MAGED1: variants seen among roughly 807,000 people sequenced by gnomAD.
The protein encoded by MAGED1 is MAGE family member D1.
MAGED1 carries 3 observed loss-of-function variants against 54.1 expected under a neutral mutation model. That is an observed-to-expected ratio of 0.06 (90% CI 0.03 to 0.14). The LOEUF (loss-of-function observed/expected upper bound fraction) is 0.14. MAGED1 is among the 10% of genes least tolerant of loss of function. The pLI is 1.00. For missense variants in MAGED1, 485 were observed against 623.4 expected, an observed-to-expected ratio of 0.78 and a Z score of 2.36; for synonymous variants, 217 against 227.3, an observed-to-expected ratio of 0.95 and a Z score of 0.41.
At chrX:51,812,858 CT>C (rs1177492969) in intron 1 of MAGED1, among the ~76,000 whole-genome samples, 9 of 109,971 alleles carry the variant, frequency 8.2e-5, no homozygotes, top group African/African-American at 3.0e-4. Context: ...GGCTCTACCA[CT>C]TAAATTCCCA....
chrX:51,892,564 A>G (rs782759220), upstream of MAGED1, among the ~76,000 whole-genome samples: 1 of 111,988 alleles, frequency 8.9e-6, no homozygotes, highest in Non-Finnish European at 1.9e-5. Flanking sequence ...GTGGACCCCA[A>G]GGAGCAATTC....
chrX:51,884,618 A>G lies in MAGED1; in HGVS notation c.-36-9651A>G, dbSNP rs904581599. 5.4e-5 allele frequency among the ~76,000 whole-genome samples: 6 copies of G among 112,072 alleles called. No homozygotes were observed. In the Admixed American group the frequency reaches 5.7e-4, roughly 11 times the overall value. ...CTCATCCAGAAAATAAGAGGAAACA[A>G]CTTCCATTAATTCTATGAAGTCAGT... On this transcript the variant is annotated intron_variant, in intron 1 of 12. Transcript: ENST00000375772.
intron 10 of MAGED1, 36 bp downstream of exon 10, chrX:51,898,679 T>C: frequency 8.8e-7 from 1 of 1,138,998 alleles, no homozygotes; most frequent in Non-Finnish European, 1.2e-6. Context: ...CTGCTTCTTA[T>C]GATTCTGCCT....
At chrX:51,809,146 G>A (rs955737038) in intron 1 of MAGED1, among the ~76,000 whole-genome samples, 2 of 109,785 alleles carry the variant, frequency 1.8e-5, no homozygotes, top group Admixed American at 9.7e-5. Context: ...ACGGAGTCTC[G>A]CTCTGTCGCC....
chrX:51,867,116 T>C (rs782205432), intron 1 of MAGED1, among the ~76,000 whole-genome samples: 1 of 111,800 alleles, frequency 8.9e-6, no homozygotes, highest in South Asian at 3.8e-4. Flanking sequence ...GGCTTTAATG[T>C]GGACTTCCTA....
intron 1 of MAGED1, among the ~76,000 whole-genome samples, chrX:51,812,926 CTT>C (rs782006688): frequency 9.8e-5 from 9 of 92,161 alleles, no homozygotes; most frequent in Middle Eastern, 5.6e-3. Flanking sequence ...TGTTGTTTTC[CTT>C]TTTTTTTTTT....
intron 1 of MAGED1, among the ~76,000 whole-genome samples, chrX:51,808,688 G>A (rs782694484): frequency 7.3e-5 from 8 of 109,699 alleles, no homozygotes; most frequent in Non-Finnish European, 1.1e-4. Context: ...CAGCCTGGGC[G>A]ACAGAGTGAG....
chrX:51,878,045 G>C (rs1234964548), intron 1 of MAGED1, among the ~76,000 whole-genome samples: 1 of 111,589 alleles, frequency 9.0e-6, no homozygotes, highest in Non-Finnish European at 1.9e-5. Context: ...AGGTGTCTGA[G>C]AGCATTCAGA....
chrX:51,872,232 T>A (rs1557361646), intron 1 of MAGED1, among the ~76,000 whole-genome samples: 1 of 112,208 alleles, frequency 8.9e-6, no homozygotes, highest in Non-Finnish European at 1.9e-5. Flanking sequence ...AGGTTGCCTG[T>A]TCACTCTGGT....
chrX:51,884,247 C>T (rs1018821211), intron 1 of MAGED1, among the ~76,000 whole-genome samples: 28 of 110,826 alleles, frequency 2.5e-4, no homozygotes, highest in African/African-American at 9.2e-4. Flanking sequence ...AACAAAAAAT[C>T]TTGAAACCCA....
At chrX:51,839,676 T>C (rs1926382945) in intron 1 of MAGED1, among the ~76,000 whole-genome samples, 1 of 112,257 alleles carries the variant, frequency 8.9e-6, no homozygotes, top group African/African-American at 3.2e-5. Flanking sequence ...AAATGAGTCT[T>C]CATGCCTATA....
At chrX:51,866,373 C>T (rs782409035) in intron 1 of MAGED1, among the ~76,000 whole-genome samples, 26 of 111,733 alleles carry the variant, frequency 2.3e-4, no homozygotes, top group Non-Finnish European at 3.8e-4. Context: ...ACTATGGAAA[C>T]GAGGTCACAT....
At chrX:51,885,975 A>G (rs1928220349) in intron 1 of MAGED1, among the ~76,000 whole-genome samples, 1 of 110,296 alleles carries the variant, frequency 9.1e-6, no homozygotes, top group South Asian at 3.9e-4. Flanking sequence ...CATTTGCAGC[A>G]ACATGGATGG....
intron 1 of MAGED1, among the ~76,000 whole-genome samples, chrX:51,845,097 T>A (rs1926635011): frequency 9.0e-6 from 1 of 110,653 alleles, no homozygotes; most frequent in Non-Finnish European, 1.9e-5. Context: ...TTGGGCATGG[T>A]GGTGCGTGCC....
intron 1 of MAGED1, among the ~76,000 whole-genome samples, chrX:51,822,601 A>G (rs1279942575): frequency 9.1e-6 from 1 of 110,497 alleles, no homozygotes; most frequent in African/African-American, 3.3e-5. Context: ...ATAGTTAATT[A>G]AGATGAAAAG....
intron 1 of MAGED1, among the ~76,000 whole-genome samples, chrX:51,874,088 A>G (rs1927785940): frequency 9.0e-6 from 1 of 111,568 alleles, no homozygotes; most frequent in African/African-American, 3.3e-5. Flanking sequence ...GAGAGGGAGT[A>G]TAATTAATAG....
At chrX:51,813,126 C>T (rs782772948) in intron 1 of MAGED1, among the ~76,000 whole-genome samples, 5 of 107,269 alleles carry the variant, frequency 4.7e-5, no homozygotes, top group African/African-American at 6.8e-5. Flanking sequence ...CGGGTTTAAC[C>T]GATTCTCCTG....
At chrX:51,841,238 G>A (rs1926463872) in intron 1 of MAGED1, among the ~76,000 whole-genome samples, 1 of 111,195 alleles carries the variant, frequency 9.0e-6, no homozygotes, top group Non-Finnish European at 1.9e-5. Flanking sequence ...GTCTTCTTTT[G>A]AGAAGTGTCT....
chrX:51,859,516 A>G (rs1171493935), intron 1 of MAGED1, among the ~76,000 whole-genome samples: 2 of 112,070 alleles, frequency 1.8e-5, no homozygotes, highest in Non-Finnish European at 3.8e-5. Context: ...ATTCTGCAGA[A>G]TCATGCGGCC....
Sources: allele counts gnomAD v4.1 joint callset (sites outside exome capture counted in the v4.1 genomes callset), GRCh38; gene constraint gnomAD v4.1.1; transcripts MANE v1.5; gene names NCBI Gene and HGNC (gene_info 2026-07-23, HGNC 2026-07-21).